Variants in RARB observed in about 807,000 individuals in gnomAD.
RARB encodes the protein retinoic acid receptor beta.
Under a neutral mutation model 51.9 loss-of-function variants are expected in RARB, and 17 were observed. That is an observed-to-expected ratio of 0.33 (90% CI 0.22 to 0.49). The LOEUF is 0.49. Ranked by LOEUF, RARB falls within the 20% of genes least tolerant of loss-of-function variation. RARB has a pLI of 0.99. For synonymous variants in RARB, 215 were observed against 195.4 expected, an observed-to-expected ratio of 1.10 and a Z score of -0.84; for missense variants, 369 against 550.8, an observed-to-expected ratio of 0.67 and a Z score of 3.30.
Position 25,562,092 on chromosome 3 carries a change from C to A in RARB, c.449-7666C>A, listed in dbSNP as rs542534755. Among the ~76,000 whole-genome samples, 11 of 152,262 alleles carry A rather than the reference C, an allele frequency of 7.2e-5. No homozygotes were observed. The South Asian group carries it at 1.9e-3, about 26-fold the overall frequency. On this transcript the variant is annotated intron_variant, in intron 3 of 7. Transcript: ENST00000330688. The stretch of plus-strand genomic sequence containing the variant: ...TGATTCCTGAACCTTAGACTGTCAG[C>A]CTTTTTTCAAAAAAGTTAAAAGACC...
intron 1 of RARB, among the ~76,000 whole-genome samples, chr3:25,449,078 G>A (rs563904933): frequency 3.9e-5 from 6 of 152,206 alleles, no homozygotes; most frequent in African/African-American, 7.2e-5. Flanking sequence ...GAGAACCTGC[G>A]TAGGGGCTGG....
intron 2 of RARB, among the ~76,000 whole-genome samples, chr3:24,860,799 G>C (rs755868287): frequency 6.6e-6 from 1 of 152,144 alleles, no homozygotes; most frequent in South Asian, 2.1e-4. Context: ...TAGGTACAGA[G>C]AGGTGAAGTA....
At chr3:24,982,156 C>G (rs1175329799) in intron 2 of RARB, among the ~76,000 whole-genome samples, 2 of 152,178 alleles carry the variant, frequency 1.3e-5, no homozygotes, top group Non-Finnish European at 2.9e-5. Flanking sequence ...GACTTGTGGC[C>G]TGGGCACTCT....
At chr3:25,258,902 C>A (rs1208907805) in intron 5 of RARB, 7 of 204,392 alleles carry the variant, frequency 3.4e-5, no homozygotes, top group African/African-American at 7.1e-5. Context: ...AAGGCATAAA[C>A]CTCTCTTAAG....
chr3:25,060,563 T>C (rs1006046980), intron 3 of RARB, among the ~76,000 whole-genome samples: 3 of 151,812 alleles, frequency 2.0e-5, no homozygotes, highest in Non-Finnish European at 4.4e-5. Context: ...AAACAAATGG[T>C]GTGACTACAT....
At chr3:25,495,910 T>C (rs1697002841) in intron 2 of RARB, among the ~76,000 whole-genome samples, 1 of 152,338 alleles carries the variant, frequency 6.6e-6, no homozygotes, top group Admixed American at 6.5e-5. Context: ...GAATTCGTGA[T>C]TAGCCAGCAG....
chr3:25,499,639 G>A (rs546537733), intron 2 of RARB, among the ~76,000 whole-genome samples: 222 of 133,418 alleles, frequency 1.7e-3, no homozygotes, highest in African/African-American at 6.7e-3. Context: ...AAGTTAAAAA[G>A]CAAAAAACTC....
At chr3:25,222,422 A>G (rs375247689) in intron 5 of RARB, among the ~76,000 whole-genome samples, 6 of 152,248 alleles carry the variant, frequency 3.9e-5, no homozygotes, top group African/African-American at 1.4e-4. Flanking sequence ...TTCTTTCCCA[A>G]AGATTTATAT....
At chr3:25,200,211 G>T (rs1054963765) in intron 5 of RARB, among the ~76,000 whole-genome samples, 33 of 151,792 alleles carry the variant, frequency 2.2e-4, no homozygotes, top group Admixed American at 2.0e-3. Context: ...GATGAGCATT[G>T]TTTCTTGTGT....
intron 5 of RARB, among the ~76,000 whole-genome samples, chr3:25,310,140 C>T (rs564070564): frequency 3.3e-5 from 5 of 152,260 alleles, no homozygotes; most frequent in Middle Eastern, 3.4e-3. Context: ...AATTTGAAAC[C>T]CTCCAGTGCT....
At chr3:24,895,760 G>A (rs1478633321) in intron 2 of RARB, among the ~76,000 whole-genome samples, 1 of 152,020 alleles carries the variant, frequency 6.6e-6, no homozygotes, top group Non-Finnish European at 1.5e-5. Flanking sequence ...TAATCTTTGT[G>A]CATTGCTGGT....
At chr3:25,163,292 C>A (rs902715695) in intron 4 of RARB, among the ~76,000 whole-genome samples, 1 of 152,002 alleles carries the variant, frequency 6.6e-6, no homozygotes, top group African/African-American at 2.4e-5. Flanking sequence ...TTGCTTGAGT[C>A]TAGGAGTTTG....
chr3:24,986,482 A>C (rs1181257748), intron 2 of RARB, among the ~76,000 whole-genome samples: 1 of 152,180 alleles, frequency 6.6e-6, no homozygotes, highest in African/African-American at 2.4e-5. Flanking sequence ...AATTAGTCTT[A>C]GCTGTTTGTT....
intron 4 of RARB, among the ~76,000 whole-genome samples, chr3:25,163,504 A>AAAATATATATATATATAT (rs1303712411): frequency 7.6e-5 from 10 of 131,116 alleles, no homozygotes; most frequent in African/African-American, 3.2e-4. Context: ...CCTATCTCAA[A>AAAATATATATATATATAT]ATATATATAT....
intron 2 of RARB, among the ~76,000 whole-genome samples, chr3:24,872,248 G>A (rs898707291): frequency 1.3e-5 from 2 of 152,082 alleles, no homozygotes; most frequent in African/African-American, 4.8e-5. Flanking sequence ...CAGCCTCACT[G>A]TCTCAGTGCT....
At chr3:24,835,090 T>C (rs1014817860) in intron 1 of RARB, among the ~76,000 whole-genome samples, 1 of 152,184 alleles carries the variant, frequency 6.6e-6, no homozygotes, top group Admixed American at 6.5e-5. Context: ...AATAAAAATA[T>C]ATGTGTGAGT....
chr3:24,905,564 C>G (rs1318000029), intron 2 of RARB, among the ~76,000 whole-genome samples: 4 of 152,196 alleles, frequency 2.6e-5, no homozygotes, highest in Admixed American at 6.5e-5. Flanking sequence ...AGTTTTTGGA[C>G]AAGCTTTCCT....
intron 5 of RARB, among the ~76,000 whole-genome samples, chr3:25,382,380 G>A (rs1406689080): frequency 6.9e-6 from 1 of 145,326 alleles, no homozygotes; most frequent in African/African-American, 2.5e-5. Context: ...ATCACTGTGT[G>A]CTCCTTTGGA....
intron 1 of RARB, among the ~76,000 whole-genome samples, chr3:24,839,928 A>C (rs939901333): frequency 6.6e-6 from 1 of 152,218 alleles, no homozygotes; most frequent in Non-Finnish European, 1.5e-5. Flanking sequence ...ATAAGGTTTT[A>C]GAAAATGTCT....
Sources: gnomAD v4.1 joint callset for allele counts (sites outside exome capture counted in the v4.1 genomes callset) on GRCh38, gnomAD v4.1.1 for gene constraint, MANE v1.5 for transcripts, NCBI Gene and HGNC (gene_info 2026-07-23, HGNC 2026-07-21) for gene names.